The following TDG variants were observed in gnomAD, a reference collection of about 807,000 sequenced individuals.
TDG encodes the protein thymine DNA glycosylase, also known as G/T mismatch-specific thymine DNA glycosylase.
In TDG, 23 loss-of-function variants were observed where a neutral mutation model predicts 46.1. The observed-to-expected ratio is 0.50, with a 90% confidence interval of 0.36 to 0.71. TDG has a LOEUF of 0.71. Ranked by LOEUF, TDG falls within the 30% of genes least tolerant of loss-of-function variation. TDG has a pLI of 0.00. For synonymous variants in TDG, 115 were observed against 161.3 expected (o/e 0.71, Z 2.18); for missense variants, 304 against 486.7 (o/e 0.62, Z 3.53).
intron 4 of TDG, 29 bp from the exon 5 acceptor site, chr12:103,982,770 A>G (rs749020226): frequency 6.2e-7 from 1 of 1,611,136 alleles, no homozygotes; most frequent in Admixed American, 1.7e-5. Flanking sequence ...GTCTAAAAAA[A>G]AATAAATAAC....
chr12:103,986,690 G>T (rs1364231002), intron 9 of TDG: 2 of 303,794 alleles, frequency 6.6e-6, no homozygotes, highest in Non-Finnish European at 1.3e-5. Context: ...TCCAGCCTGG[G>T]TGACAGAATG....
chr12:103,975,771 C>T (rs565906159), intron 1 of TDG, among the ~76,000 whole-genome samples: 1 of 152,130 alleles, frequency 6.6e-6, no homozygotes, highest in Non-Finnish European at 1.5e-5. Context: ...AAACAGTTCT[C>T]CTGCCTCAGC....
chr12:103,970,484 GA>G (rs1871240875), intron 1 of TDG, among the ~76,000 whole-genome samples: 1 of 150,698 alleles, frequency 6.6e-6, no homozygotes, highest in Admixed American at 6.6e-5. Context: ...TCTTAAAAAA[GA>G]AAAAAGCAAC....
chr12:103,977,023 A>G lies in TDG; in HGVS notation c.129A>G (p.Glu43=). The G allele has an allele frequency of 6.2e-7, 1 of 1,613,714 alleles. No individual in the cohort carries two copies. The highest frequency in any genetic ancestry group is 8.5e-7 in the Non-Finnish European group (1 of 1,179,906). ...AVVNEQQMPE[E]VPAPAPAQEP... Reference sequence around the variant, plus strand: ...TGAATGAACAGCAAATGCCAGAAGAAGTTCCAGCCCCAGCTCCTGCTCAGG... The same window carrying G: ...TGAATGAACAGCAAATGCCAGAAGAGGTTCCAGCCCCAGCTCCTGCTCAGG... The change falls in exon 2 of 10, where the codon GAA becomes GAG. Residue 43 remains glutamate (E), a synonymous_variant. Coordinates refer to ENST00000392872, the MANE Select transcript of TDG (RefSeq NM_003211.6).
At chr12:103,985,048 C>CGT (rs1872055629) in intron 8 of TDG, 128 bp downstream of exon 8, 4 of 568,950 alleles carry the variant, frequency 7.0e-6, no homozygotes, top group Non-Finnish European at 1.1e-5. Context: ...TATATGCACA[C>CGT]GTGTATATAT....
chr12:103,987,248 C>T lies in TDG; in HGVS notation c.*158C>T, dbSNP rs1384088493. ...GTGTGGTAGTGTGAACCGTATGAAC[C>T]TAAGTAGTTTGGAAGAAAAAGTAGG... On this transcript the variant is annotated 3_prime_UTR_variant, in exon 10 of 10. Coordinates refer to ENST00000392872, the MANE Select transcript of TDG (RefSeq NM_003211.6). 5.7e-5 allele frequency: 61 copies of T among 1,074,076 alleles called. No homozygotes were observed. Among genetic ancestry groups the T allele is most frequent in the Middle Eastern group, 6.5e-4 (2 of 3,086 alleles). The allele number at this position is 1,074,076 out of a possible 1,614,324, so 66.5% of individuals were successfully genotyped here.
intron 1 of TDG, among the ~76,000 whole-genome samples, chr12:103,976,490 T>G (rs560537177): frequency 1.3e-5 from 2 of 151,474 alleles, no homozygotes; most frequent in South Asian, 4.2e-4. Context: ...AAAGAGAATC[T>G]TAATTAGATT....
intron 1 of TDG, among the ~76,000 whole-genome samples, chr12:103,974,756 G>A (rs1323799962): frequency 6.6e-6 from 1 of 151,956 alleles, no homozygotes; most frequent in Non-Finnish European, 1.5e-5. Flanking sequence ...GGATCGCGAG[G>A]TCAGGAGATT....
Position 103,982,797 on chromosome 12 carries a change from A to C in TDG, c.479-2A>C. ...ATAAATAACTGAATTTTCATTTTAC[A>C]GGGAAGTGTTTGTTTATGTCAGGGC... On this transcript the variant is annotated splice_acceptor_variant, in intron 4 of 9. Coordinates refer to ENST00000392872, the MANE Select transcript of TDG (RefSeq NM_003211.6). LOFTEE classifies it high-confidence loss of function. 6.2e-7 allele frequency: 1 copy of C among 1,605,140 alleles called. No homozygotes were observed. The highest frequency in any genetic ancestry group is 8.5e-7 in the Non-Finnish European group (1 of 1,176,540).
intron 3 of TDG, chr12:103,980,413 A>G (rs1414892658): frequency 1.1e-5 from 3 of 275,356 alleles, no homozygotes; most frequent in Admixed American, 1.0e-4. Context: ...AATCACTTCA[A>G]CTGAATGATG....
intron 2 of TDG, among the ~76,000 whole-genome samples, 198 bp from the exon 3 acceptor site, chr12:103,979,633 G>A (rs1871721330): frequency 1.3e-5 from 2 of 152,130 alleles, no homozygotes; most frequent in African/African-American, 2.4e-5. Flanking sequence ...GAAGGAGAGT[G>A]GCATGGGGGG....
intron 1 of TDG, among the ~76,000 whole-genome samples, chr12:103,973,975 A>T (rs924952899): frequency 6.6e-6 from 1 of 152,200 alleles, no homozygotes; most frequent in Non-Finnish European, 1.5e-5. Context: ...ATACAGGTTA[A>T]TCTCTTTCTC....
At chr12:103,978,066 CAAA>C (rs1555274467) in intron 2 of TDG, among the ~76,000 whole-genome samples, 2 of 62,170 alleles carry the variant, frequency 3.2e-5, no homozygotes, top group East Asian at 1.0e-3. Flanking sequence ...GTCTCAAAAA[CAAA>C]AACAAAAACA....
chr12:103,983,247 C>A, intron 6 of TDG, 29 bp downstream of exon 6: 1 of 1,560,278 alleles, frequency 6.4e-7, no homozygotes, highest in Non-Finnish European at 8.6e-7. Flanking sequence ...TTTTTTTTTT[C>A]TTTGCTAACA....
chr12:103,979,619 A>T (rs1490747562), intron 2 of TDG, among the ~76,000 whole-genome samples: 1 of 152,150 alleles, frequency 6.6e-6, no homozygotes, highest in Non-Finnish European at 1.5e-5. Flanking sequence ...AACAGCTAGC[A>T]GGGGAAGGAG....
At chr12:103,972,895 A>T (rs4135068) in intron 1 of TDG, 11,527 of 614,410 alleles carry the variant, frequency 0.019, 676 homozygotes, top group East Asian at 0.18. Context: ...GTTTTGAAAA[A>T]TTTTTTTAAA....
intron 4 of TDG, among the ~76,000 whole-genome samples, chr12:103,981,914 T>C (rs1026879760): frequency 2.6e-5 from 4 of 152,280 alleles, no homozygotes; most frequent in Non-Finnish European, 4.4e-5. Flanking sequence ...CTACGGAGGC[T>C]GGGTTGGGAA....
At chr12:103,982,969 C>T (rs759771210) in intron 5 of TDG, 35 bp downstream of exon 5, 2 of 1,610,362 alleles carry the variant, frequency 1.2e-6, no homozygotes, top group Non-Finnish European at 1.7e-6. Flanking sequence ...TGGGTTGGAA[C>T]CTTGAGTATG....
intron 1 of TDG, among the ~76,000 whole-genome samples, 159 bp downstream of exon 1, chr12:103,966,219 T>A (rs1046814409): frequency 6.6e-6 from 1 of 152,230 alleles, no homozygotes; most frequent in Non-Finnish European, 1.5e-5. Flanking sequence ...TTTCCTTCCC[T>A]GGCTGCGGCG....
Sources: gnomAD v4.1 joint callset for allele counts (sites outside exome capture counted in the v4.1 genomes callset) on GRCh38, gnomAD v4.1.1 for gene constraint, MANE v1.5 for transcripts, NCBI Gene and HGNC (gene_info 2026-07-23, HGNC 2026-07-21) for gene names.